Variants in DNAJC24 observed in about 807,000 individuals in gnomAD.
The protein encoded by DNAJC24 is DnaJ heat shock protein family (Hsp40) member C24, also known as dnaJ homolog subfamily C member 24.
In DNAJC24, 17 loss-of-function variants were observed where a neutral mutation model predicts 18.0. The observed-to-expected ratio is 0.94, with a 90% CI of 0.65 to 1.42. The LOEUF (loss-of-function observed/expected upper bound fraction) is 1.42. Ranked by LOEUF, DNAJC24 falls within the 40% of genes most tolerant of loss-of-function variation. The pLI is 0.00. For synonymous variants in DNAJC24, 55 were observed against 57.7 expected (o/e 0.95, Z 0.21); for missense variants, 158 against 175.6 (o/e 0.90, Z 0.57).
intron 2 of DNAJC24, among the ~76,000 whole-genome samples, chr11:31,382,793 TGGAGTCAGTGTCAGATCCATAAGGGTTAA>T (rs1200625181): frequency 6.6e-6 from 1 of 152,150 alleles, no homozygotes; most frequent in African/African-American, 2.4e-5. Flanking sequence ...ACTGTTTACC[TGGAGTCAGTGTCAGATCCATAAGGGTTAA>T]GGATTCATTA....
intron 2 of DNAJC24, among the ~76,000 whole-genome samples, chr11:31,395,517 G>T (rs1394648692): frequency 6.6e-6 from 1 of 152,116 alleles, no homozygotes; most frequent in African/African-American, 2.4e-5. Flanking sequence ...CACTAGCAGT[G>T]TATAAGCATC....
intron 2 of DNAJC24, among the ~76,000 whole-genome samples, chr11:31,383,177 G>T (rs1952394467): frequency 1.3e-5 from 2 of 151,884 alleles, no homozygotes; most frequent in South Asian, 4.2e-4. Flanking sequence ...GCTTTATTAG[G>T]TAGGCATACT....
At chr11:31,404,238 A>G (rs1952632030) in intron 2 of DNAJC24, among the ~76,000 whole-genome samples, 2 of 152,156 alleles carry the variant, frequency 1.3e-5, no homozygotes, top group African/African-American at 4.8e-5. Flanking sequence ...GAATGCCTTA[A>G]CCATCTGGGA....
rs1210473269 is a variant in DNAJC24, at chr11:31,432,395, T to G, written c.*1994T>G. ...TTTACATTTAACAATTAAAAACAACTAAAACTGAATAGCAAATAGTTTATT... is the reference window on the plus strand; with the variant it reads ...TTTACATTTAACAATTAAAAACAACGAAAACTGAATAGCAAATAGTTTATT... On this transcript the variant is annotated 3_prime_UTR_variant, in exon 5 of 5. Coordinates refer to ENST00000465995, the MANE Select transcript of DNAJC24 (RefSeq NM_181706.5). 3 of 754,156 alleles carry G rather than the reference T, an allele frequency of 4.0e-6. No individual in the cohort carries two copies. The highest frequency in any genetic ancestry group is 1.8e-5 in the African/African-American group (1 of 56,894). The allele number at this position is 754,156 out of a possible 1,614,324, so 46.7% of individuals were successfully genotyped here.
At chr11:31,393,163 C>G (rs1270262637) in intron 2 of DNAJC24, among the ~76,000 whole-genome samples, 1 of 152,214 alleles carries the variant, frequency 6.6e-6, no homozygotes, top group Non-Finnish European at 1.5e-5. Context: ...ACAGCTACCA[C>G]TTATCCTACC....
At chr11:31,374,537 CTGTATATTTGTCTGTAATT>C (rs1466659106) in intron 2 of DNAJC24, among the ~76,000 whole-genome samples, 3 of 133,720 alleles carry the variant, frequency 2.2e-5, no homozygotes, top group Non-Finnish European at 5.2e-5. Context: ...TAATTTCATG[CTGTATATTTGTCTGTAATT>C]TTCTTTTCTC....
chr11:31,369,965 G>A (rs1952194160), intron 1 of DNAJC24, 53 bp downstream of exon 1: 1 of 152,576 alleles, frequency 6.6e-6, no homozygotes, highest in African/African-American at 2.4e-5. Context: ...ATGGCTGGGT[G>A]GGTAAAGCCG....
chr11:31,376,331 C>G (rs1415630639), intron 2 of DNAJC24, among the ~76,000 whole-genome samples: 3 of 152,176 alleles, frequency 2.0e-5, no homozygotes, highest in African/African-American at 4.8e-5. Flanking sequence ...CATCTCATAG[C>G]ATTTTGCCCT....
Position 31,370,764 on chromosome 11 carries a change from C to A in DNAJC24, c.16C>A (p.Gln6Lys), listed in dbSNP as rs761121050. The part of the protein sequence containing the change: MMAVE[Q>K]MPKKDWYSIL... ...GGTTCCATGGATGATGGCGGTTGAGCAGATGCCAAAAAAGGATTGGTACAG... is the reference window on the plus strand; with the variant it reads ...GGTTCCATGGATGATGGCGGTTGAGAAGATGCCAAAAAAGGATTGGTACAG... The change falls in exon 2 of 5, where the codon CAG becomes AAG. Residue 6 changes from glutamine to lysine, a missense_variant. Physicochemically the swap from Gln to Lys is moderately conservative, Grantham distance 53 (BLOSUM62 1). Transcript: ENST00000465995. 6.2e-6 allele frequency: 10 copies of A among 1,608,526 alleles called. No individual in the cohort carries two copies. The highest frequency in any genetic ancestry group is 8.5e-6 in the Non-Finnish European group (10 of 1,177,972).
chr11:31,416,809 A>G (rs1952754980), intron 3 of DNAJC24: 2 of 152,242 alleles, frequency 1.3e-5, no homozygotes. Flanking sequence ...AAGATTTGAG[A>G]GATGTCAGAA....
At chr11:31,412,708 T>C (rs1368282792) in intron 2 of DNAJC24, among the ~76,000 whole-genome samples, 1 of 152,212 alleles carries the variant, frequency 6.6e-6, no homozygotes, top group Non-Finnish European at 1.5e-5. Context: ...ATCTAAATGT[T>C]GATAACTGAT....
chr11:31,387,971 G>C (rs1221561751), intron 2 of DNAJC24, among the ~76,000 whole-genome samples: 1 of 152,016 alleles, frequency 6.6e-6, no homozygotes, highest in African/African-American at 2.4e-5. Flanking sequence ...TTCATATCCT[G>C]AAGAATTCAT....
intron 2 of DNAJC24, among the ~76,000 whole-genome samples, chr11:31,397,996 T>G (rs544691099): frequency 6.6e-6 from 1 of 152,148 alleles, no homozygotes; most frequent in South Asian, 2.1e-4. Flanking sequence ...AGAGATGGGA[T>G]TTCATCATGT....
rs971258839 is a variant in DNAJC24 at position 31,373,090 on chromosome 11, A to G, written c.111+2231A>G. Reference sequence around the variant, plus strand: ...TTTTTTTAAATTAAATATATTCTTGATTCTGTATATATGTTGTATATATTT... The same window carrying G: ...TTTTTTTAAATTAAATATATTCTTGGTTCTGTATATATGTTGTATATATTT... On this transcript the variant is annotated intron_variant, in intron 2 of 4. Transcript: ENST00000465995. Among the ~76,000 whole-genome samples the G allele has an allele frequency of 2.3e-5, 3 of 133,226 alleles. 1 individual carries two copies. Among genetic ancestry groups the G allele is most frequent in the African/African-American group, 7.5e-5 (3 of 39,872 alleles). The allele number at this position is 133,226 out of a possible 152,430, so 87.4% of individuals were successfully genotyped here.
intron 2 of DNAJC24, chr11:31,385,214 T>C (rs1037890454): frequency 6.6e-6 from 1 of 152,200 alleles, no homozygotes; most frequent in Non-Finnish European, 1.5e-5. Flanking sequence ...CAATTTATTA[T>C]TACATAATAA....
intron 2 of DNAJC24, among the ~76,000 whole-genome samples, chr11:31,371,838 T>C (rs1952265421): frequency 6.7e-6 from 1 of 148,394 alleles, no homozygotes; most frequent in Non-Finnish European, 1.5e-5. Context: ...TTTTTTTTTT[T>C]TTGAGATGGA....
intron 2 of DNAJC24, among the ~76,000 whole-genome samples, chr11:31,403,942 G>A (rs1045554076): frequency 1.8e-4 from 27 of 152,232 alleles, no homozygotes; most frequent in African/African-American, 6.0e-4. Context: ...AGGGCTGTTG[G>A]TTGCCCATTT....
chr11:31,417,750 GGT>G (rs1033163854), intron 3 of DNAJC24, among the ~76,000 whole-genome samples: 3 of 151,994 alleles, frequency 2.0e-5, no homozygotes, highest in African/African-American at 7.2e-5. Flanking sequence ...TTTATTGGCT[GGT>G]CTTGAATGCT....
intron 2 of DNAJC24, among the ~76,000 whole-genome samples, chr11:31,411,987 A>T (rs1952714670): frequency 6.6e-6 from 1 of 152,134 alleles, no homozygotes. Flanking sequence ...GTCATTTTTT[A>T]ATGGAATGTA....
Sources: allele counts gnomAD v4.1 joint callset (sites outside exome capture counted in the v4.1 genomes callset), GRCh38; gene constraint gnomAD v4.1.1; transcripts MANE v1.5; gene names NCBI Gene and HGNC (gene_info 2026-07-23, HGNC 2026-07-21).